Variants in FMN1 observed in about 807,000 individuals in gnomAD.
FMN1 encodes the protein formin-1.
A neutral mutation model predicts 132.4 loss-of-function variants in FMN1; 110 were observed. That is an observed-to-expected ratio of 0.83 (90% CI 0.71 to 0.97). The LOEUF (loss-of-function observed/expected upper bound fraction) is 0.97. Ranked by LOEUF, FMN1 falls within the 50% of genes least tolerant of loss-of-function variation. FMN1 has a pLI of 0.00. For missense variants in FMN1, 1,792 were observed against 1,705.3 expected, an observed-to-expected ratio of 1.05 and a Z score of -0.90; for synonymous variants, 722 against 651.7, an observed-to-expected ratio of 1.11 and a Z score of -1.64.
chr15:33,099,449 C>T (rs1440340382), intron 4 of FMN1, among the ~76,000 whole-genome samples: 1 of 152,128 alleles, frequency 6.6e-6, no homozygotes, highest in Non-Finnish European at 1.5e-5. Flanking sequence ...TGATGCTCAC[C>T]ATGCTCAATT....
chr15:32,892,062 G>A (rs1172601573), intron 15 of FMN1, among the ~76,000 whole-genome samples: 1 of 152,122 alleles, frequency 6.6e-6, no homozygotes, highest in Non-Finnish European at 1.5e-5. Flanking sequence ...TCTCTTGTCT[G>A]ATTGCTCTGG....
chr15:33,166,970 C>G (rs1965133883), intron 3 of FMN1, among the ~76,000 whole-genome samples: 1 of 151,970 alleles, frequency 6.6e-6, no homozygotes, highest in Non-Finnish European at 1.5e-5. Context: ...TCTTAGTAGA[C>G]TAATCAAGGG....
chr15:33,124,913 T>TA (rs1344002682), intron 4 of FMN1, among the ~76,000 whole-genome samples: 1 of 152,074 alleles, frequency 6.6e-6, no homozygotes, highest in Non-Finnish European at 1.5e-5. Flanking sequence ...GGGCAAATGT[T>TA]AAAGATACTA....
chr15:32,894,694 A>C (rs757028934), intron 15 of FMN1, among the ~76,000 whole-genome samples: 6 of 151,982 alleles, frequency 3.9e-5, no homozygotes, highest in Non-Finnish European at 7.4e-5. Context: ...GTAAGATTAG[A>C]CTAAGTTATT....
rs145338017 is a variant in FMN1, at chr15:32,971,969, ATT to A, written c.2224-2494_2224-2493del. 5.2e-3 allele frequency among the ~76,000 whole-genome samples: 798 copies of A among 152,266 alleles called. 12 individuals are homozygous for A. Among genetic ancestry groups the A allele is most frequent in the African/African-American group, 0.019 (773 of 41,532 alleles). On this transcript the variant is annotated intron_variant, in intron 7 of 20. Coordinates refer to ENST00000616417, the MANE Select transcript of FMN1 (RefSeq NM_001277313.2). Reference sequence around the variant, plus strand: ...CATTTTAGCAGCTCTGAGGTAAGGCATTTGTTTAGTGTAGTGGGCAGAACACA... The same window carrying A: ...CATTTTAGCAGCTCTGAGGTAAGGCATGTTTAGTGTAGTGGGCAGAACACA...
chr15:32,784,792 A>T (rs904463949), intron 19 of FMN1, among the ~76,000 whole-genome samples: 1 of 152,212 alleles, frequency 6.6e-6, no homozygotes, highest in African/African-American at 2.4e-5. Context: ...TTTCCCTCTC[A>T]TAAAGGCAGA....
chr15:32,920,146 T>G (rs1471637401), intron 10 of FMN1, among the ~76,000 whole-genome samples: 1 of 152,202 alleles, frequency 6.6e-6, no homozygotes, highest in Non-Finnish European at 1.5e-5. Flanking sequence ...TGAACGTTTA[T>G]ATCAAGAATA....
rs566542639 is a variant in FMN1 at position 32,768,769 on chromosome 15, A to G, written c.*5541T>C. The G allele has an allele frequency of 6.7e-6, 1 of 148,606 alleles. No homozygotes were observed. Among genetic ancestry groups the G allele is most frequent in the Non-Finnish European group, 1.5e-5 (1 of 66,792 alleles). The allele number at this position is 148,606 out of a possible 1,614,324, so 9.2% of individuals were successfully genotyped here. ...GAAAAGGAGACTAGAGATTCTCAGT[A>G]TATTTAAGAGAAGATTTAAAAATAG... is the stretch of plus-strand genomic sequence containing the variant. On this transcript the variant is annotated 3_prime_UTR_variant, in exon 21 of 21. Transcript: ENST00000616417.
chr15:33,075,945 A>G (rs1473764166), intron 5 of FMN1, among the ~76,000 whole-genome samples: 1 of 152,234 alleles, frequency 6.6e-6, no homozygotes, highest in Non-Finnish European at 1.5e-5. Flanking sequence ...ATCAACTTTG[A>G]AATAGTTATT....
intron 17 of FMN1, among the ~76,000 whole-genome samples, chr15:32,854,237 A>G (rs187416848): frequency 2.0e-5 from 3 of 152,322 alleles, no homozygotes; most frequent in Admixed American, 1.3e-4. Flanking sequence ...TTTTACCCTC[A>G]TAAGACATCT....
At chr15:33,186,747 T>G (rs1243748617) in intron 2 of FMN1, among the ~76,000 whole-genome samples, 1 of 152,224 alleles carries the variant, frequency 6.6e-6, no homozygotes, top group Non-Finnish European at 1.5e-5. Flanking sequence ...AGAAGCATAT[T>G]GAATCTCATG....
intron 6 of FMN1, among the ~76,000 whole-genome samples, chr15:33,057,631 A>G (rs1363367937): frequency 1.3e-5 from 2 of 152,158 alleles, no homozygotes; most frequent in Admixed American, 6.5e-5. Flanking sequence ...CCCTGCAGTA[A>G]AAGTAATGTC....
At chr15:32,866,785 C>T (rs1444669515) in intron 16 of FMN1, among the ~76,000 whole-genome samples, 7 of 152,200 alleles carry the variant, frequency 4.6e-5, no homozygotes, top group Admixed American at 4.6e-4. Flanking sequence ...TTTGTATCTC[C>T]TTCGCTGACA....
chr15:33,162,680 C>A (rs976269014), intron 3 of FMN1, among the ~76,000 whole-genome samples: 1 of 152,138 alleles, frequency 6.6e-6, no homozygotes, highest in Non-Finnish European at 1.5e-5. Flanking sequence ...ACCAGGGAAG[C>A]AGTATGTTCA....
At chr15:32,916,681 T>G (rs981811585) in intron 10 of FMN1, among the ~76,000 whole-genome samples, 1 of 152,196 alleles carries the variant, frequency 6.6e-6, no homozygotes, top group African/African-American at 2.4e-5. Flanking sequence ...AAAGCGGGTA[T>G]GTAATAATGT....
intron 9 of FMN1, among the ~76,000 whole-genome samples, chr15:32,933,409 G>A (rs1212663282): frequency 6.6e-6 from 1 of 152,146 alleles, no homozygotes; most frequent in Admixed American, 6.5e-5. Flanking sequence ...GACTTATCCT[G>A]GAGAATGTGC....
intron 4 of FMN1, among the ~76,000 whole-genome samples, chr15:33,145,488 A>T (rs1189404368): frequency 6.6e-6 from 1 of 151,662 alleles, no homozygotes; most frequent in Non-Finnish European, 1.5e-5. Context: ...AAATTTTCAC[A>T]CTGCTTTTTT....
At chr15:33,109,725 T>C (rs374006579) in intron 4 of FMN1, among the ~76,000 whole-genome samples, 12 of 151,852 alleles carry the variant, frequency 7.9e-5, no homozygotes, top group African/African-American at 2.7e-4. Context: ...ACAGAAACAA[T>C]ATTCGATACT....
intron 2 of FMN1, among the ~76,000 whole-genome samples, chr15:33,185,769 A>C (rs536462288): frequency 6.6e-6 from 1 of 151,928 alleles, no homozygotes; most frequent in South Asian, 2.1e-4. Flanking sequence ...ACAGGGTTTC[A>C]CCATGTTGGC....
Sources: gnomAD v4.1 joint callset for allele counts (sites outside exome capture counted in the v4.1 genomes callset) on GRCh38, gnomAD v4.1.1 for gene constraint, MANE v1.5 for transcripts, NCBI Gene and HGNC (gene_info 2026-07-23, HGNC 2026-07-21) for gene names.